Variants in TNR observed in about 807,000 individuals in gnomAD.
TNR encodes the protein tenascin R, also known as tenascin-R.
TNR carries 45 observed loss-of-function variants against 150.4 expected under a neutral mutation model. The ratio of observed to expected loss-of-function variants is 0.30; its 90% confidence interval spans 0.24 to 0.38. The LOEUF (loss-of-function observed/expected upper bound fraction) is 0.38, where lower values mean the gene tolerates loss of function less well. TNR is among the 10% of genes least tolerant of loss of function. The pLI, the probability that TNR is intolerant of heterozygous loss-of-function variation, is 1.00. For missense variants in TNR, 1,544 were observed against 1,759.1 expected, an observed-to-expected ratio of 0.88 and a Z score of 2.19; for synonymous variants, 687 against 678.4, an observed-to-expected ratio of 1.01 and a Z score of -0.20.
Position 175,642,269 on chromosome 1 carries a change from G to C in TNR, c.-165+100957C>G, listed in dbSNP as rs181897939. Among the ~76,000 whole-genome samples the C allele has an allele frequency of 1.5e-3, 229 of 152,290 alleles. 2 individuals are homozygous for C. Among genetic ancestry groups the C allele is most frequent in the African/African-American group, 4.9e-3 (203 of 41,558 alleles). On this transcript the variant is annotated intron_variant, in intron 1 of 22. Coordinates refer to ENST00000367674, the MANE Select transcript of TNR (RefSeq NM_003285.3). ...GTGCACACATACACACACGTGCTAT[G>C]TGTTTGTGGTGGGGGAGAAAAAGTG...
chr1:175,331,158 T>TTCCTTCC lies in TNR; in HGVS notation c.3632-924_3632-923insGGAAGGA, dbSNP rs1553203605. ...TTCTTTCTTTCTTCCTTTCTTTCTT[T>TTCCTTCC]TTCTTTCCTTCCTTCCTTCCTTCCT... On this transcript the variant is annotated intron_variant, in intron 20 of 22. Coordinates refer to ENST00000367674, the MANE Select transcript of TNR (RefSeq NM_003285.3). Among the ~76,000 whole-genome samples, 24 of 101,598 alleles carry TTCCTTCC rather than the reference T, an allele frequency of 2.4e-4. 1 individual carries two copies. Among genetic ancestry groups the TTCCTTCC allele is most frequent in the African/African-American group, 8.8e-4 (22 of 24,982 alleles). The allele number at this position is 101,598 out of a possible 152,430, so 66.7% of individuals were successfully genotyped here. A position where few individuals can be genotyped will look rare whatever the true frequency, so the allele number is the denominator to read the frequency against.
At chr1:175,595,002 TA>T (rs1285873748) in intron 1 of TNR, among the ~76,000 whole-genome samples, 3 of 150,396 alleles carry the variant, frequency 2.0e-5, no homozygotes, top group Non-Finnish European at 4.4e-5. Flanking sequence ...CTGTCTCTAC[TA>T]AAAATACAAA....
At chr1:175,666,746 T>G (rs1478761298) in intron 1 of TNR, among the ~76,000 whole-genome samples, 1 of 152,288 alleles carries the variant, frequency 6.6e-6, no homozygotes, top group South Asian at 2.1e-4. Flanking sequence ...CTCCCTAGAT[T>G]CGTTGTTGTT....
intron 1 of TNR, among the ~76,000 whole-genome samples, chr1:175,544,650 A>G (rs888960660): frequency 6.6e-6 from 1 of 152,228 alleles, no homozygotes; most frequent in Non-Finnish European, 1.5e-5. Context: ...ATGAGTACTC[A>G]AAGAATGGAT....
At chr1:175,557,652 G>A (rs1661224454) in intron 1 of TNR, among the ~76,000 whole-genome samples, 1 of 150,910 alleles carries the variant, frequency 6.6e-6, no homozygotes, top group African/African-American at 2.4e-5. Context: ...GGAGAAATAG[G>A]AACACTTTTA....
intron 1 of TNR, among the ~76,000 whole-genome samples, chr1:175,711,177 C>T (rs936249755): frequency 5.3e-5 from 8 of 152,078 alleles, no homozygotes; most frequent in African/African-American, 1.9e-4. Context: ...GTGATTAGTG[C>T]TGTGTAGAAA....
At position 175,330,112 on chromosome 1, in the gene TNR, A is replaced by C; in HGVS notation, c.3755T>G (p.Leu1252Arg). The C allele has an allele frequency of 6.2e-7, 1 of 1,609,384 alleles. No individual in the cohort carries two copies. Among genetic ancestry groups the C allele is most frequent in the Non-Finnish European group, 8.5e-7 (1 of 1,176,498 alleles). Residue 1252 changes from leucine (L) to arginine (R), a missense_variant, in exon 21 of 23, where the codon CTG becomes CGG. Physicochemically the swap from Leu to Arg is moderately radical, Grantham distance 102 (BLOSUM62 -2). Coordinates refer to ENST00000367674, the MANE Select transcript of TNR (RefSeq NM_003285.3). ...GTAGCTTCCTATGCGGAGTTTGTAC[A>C]GGTTTCTGCTGTCCTCGACAGAGAA... ...DRFSVEDSRNLYKLRIGSYNG... is the reference protein window; with the variant it reads ...DRFSVEDSRNRYKLRIGSYNG...
At chr1:175,421,071 T>C (rs1279093945) in intron 2 of TNR, among the ~76,000 whole-genome samples, 2 of 152,138 alleles carry the variant, frequency 1.3e-5, no homozygotes, top group African/African-American at 4.8e-5. Context: ...AGCAGCTAGC[T>C]GAGGTGGGGG....
intron 1 of TNR, among the ~76,000 whole-genome samples, chr1:175,641,917 T>C (rs1415208761): frequency 4.6e-5 from 7 of 152,186 alleles, no homozygotes; most frequent in African/African-American, 1.7e-4. Flanking sequence ...TCGGTTCAGT[T>C]TAAAAGACAT....
chr1:175,648,071 C>T (rs1664856847), intron 1 of TNR, among the ~76,000 whole-genome samples: 1 of 151,974 alleles, frequency 6.6e-6, no homozygotes, highest in African/African-American at 2.4e-5. Context: ...ACCCTCCACC[C>T]ATCAGAATTA....
intron 1 of TNR, among the ~76,000 whole-genome samples, chr1:175,649,578 C>T (rs1664893440): frequency 6.6e-6 from 1 of 152,074 alleles, no homozygotes; most frequent in African/African-American, 2.4e-5. Flanking sequence ...ACAGAATGGG[C>T]CCAATACAAG....
rs1373556715 is a variant in TNR at position 175,362,779 on chromosome 1, T to C, written c.2738A>G (p.Asn913Ser). 3.1e-6 allele frequency: 5 copies of C among 1,614,140 alleles called. No individual in the cohort carries two copies. In the East Asian group the frequency reaches 8.9e-5, roughly 29 times the overall value. The change falls in exon 14 of 23, where the codon AAC (asparagine) becomes AGC (serine). Residue 913 changes from asparagine (N) to serine (S), a missense_variant. By Grantham distance (46) the Asn-to-Ser change is conservative. Coordinates refer to ENST00000367674, the MANE Select transcript of TNR (RefSeq NM_003285.3). ...GGTGATGGTGAATTCTGTCACAGTG[T>C]TGGGCACCACTGAGCTGTCTAGTCG... ...VGRLDSSVVPNTVTEFTITRL... is the reference protein window; with the variant it reads ...VGRLDSSVVPSTVTEFTITRL...
chr1:175,507,192 G>C (rs1052371164), intron 2 of TNR, among the ~76,000 whole-genome samples: 1 of 152,214 alleles, frequency 6.6e-6, no homozygotes, highest in Non-Finnish European at 1.5e-5. Flanking sequence ...TGGGGGTGGA[G>C]AGCAGGGGCA....
chr1:175,620,250 C>T lies in TNR; in HGVS notation c.-164-91881G>A, dbSNP rs531802299. 4.3e-4 allele frequency among the ~76,000 whole-genome samples: 65 copies of T among 152,298 alleles called. 1 individual carries two copies. In the South Asian group the frequency reaches 6.4e-3, roughly 15 times the overall value. ...TAGTGAGCTCAGAGCAATGAGTGTG[C>T]ACTTTCAGCTAGACGGATTGCTCTC... is the stretch of plus-strand genomic sequence containing the variant. On this transcript the variant is annotated intron_variant, in intron 1 of 22. Coordinates refer to ENST00000367674, the MANE Select transcript of TNR (RefSeq NM_003285.3).
At position 175,495,991 on chromosome 1, in the gene TNR, G is replaced by A. The variant is rs140866891; in HGVS notation, c.-64+32278C>T. Among the ~76,000 whole-genome samples the A allele has an allele frequency of 1.1e-4, 17 of 152,208 alleles. 1 individual carries two copies. In the East Asian group the frequency reaches 3.1e-3, roughly 28 times the overall value. ...TCAGAGAAACACTGGATTATACTGC[G>A]GGGAGAGCCTTTCAACATCCTGCTG... On this transcript the variant is annotated intron_variant, in intron 2 of 22. Transcript: ENST00000367674.
chr1:175,466,188 A>T (rs1475980794), intron 2 of TNR, among the ~76,000 whole-genome samples: 9 of 152,220 alleles, frequency 5.9e-5, no homozygotes, highest in Non-Finnish European at 5.9e-5. Flanking sequence ...CATTTTATAC[A>T]TATGGAAACT....
chr1:175,416,957 A>C (rs984670085), intron 2 of TNR, among the ~76,000 whole-genome samples: 1 of 148,902 alleles, frequency 6.7e-6, no homozygotes, highest in Admixed American at 6.8e-5. Context: ...GCAGTGAGCC[A>C]AGATTGCGCC....
chr1:175,503,381 TAG>T (rs1172843822), intron 2 of TNR, among the ~76,000 whole-genome samples: 1 of 152,208 alleles, frequency 6.6e-6, no homozygotes, highest in Non-Finnish European at 1.5e-5. Flanking sequence ...AATATATTTT[TAG>T]AGTGTTATAT....
At chr1:175,499,896 T>C (rs41385847) in intron 2 of TNR, among the ~76,000 whole-genome samples, 1,925 of 152,292 alleles carry the variant, frequency 0.013, 49 homozygotes, top group African/African-American at 0.044. Flanking sequence ...AGATTGAACT[T>C]GTTTGACAAG....
Sources: allele counts gnomAD v4.1 joint callset (sites outside exome capture counted in the v4.1 genomes callset), GRCh38; gene constraint gnomAD v4.1.1; transcripts MANE v1.5; gene names NCBI Gene and HGNC (gene_info 2026-07-23, HGNC 2026-07-21).